The following TMEM117 variants were observed in gnomAD, a reference collection of about 807,000 sequenced individuals.
The protein encoded by TMEM117 is transmembrane protein 117.
TMEM117 carries 27 observed loss-of-function variants against 52.4 expected under a neutral mutation model. The observed-to-expected ratio is 0.51, with a 90% CI of 0.38 to 0.71. TMEM117 has a LOEUF of 0.71. Ranked by LOEUF, TMEM117 falls within the 30% of genes least tolerant of loss-of-function variation. The pLI is 0.00. For missense variants in TMEM117, 556 were observed against 630.5 expected (o/e 0.88, Z 1.26); for synonymous variants, 215 against 206.3 (o/e 1.04, Z -0.36).
At chr12:44,140,932 GC>G (rs901358821) in intron 3 of TMEM117, among the ~76,000 whole-genome samples, 3 of 152,018 alleles carry the variant, frequency 2.0e-5, no homozygotes, top group African/African-American at 7.2e-5. Context: ...GTCTTGAAAG[GC>G]AACCAGCTGT....
chr12:44,086,982 A>G (rs898040047), intron 3 of TMEM117, among the ~76,000 whole-genome samples: 1 of 145,582 alleles, frequency 6.9e-6, no homozygotes, highest in South Asian at 2.1e-4. Flanking sequence ...ATTATATAAT[A>G]TATAATTAAT....
At chr12:44,038,497 A>G (rs1199453481) in intron 3 of TMEM117, among the ~76,000 whole-genome samples, 1 of 152,062 alleles carries the variant, frequency 6.6e-6, no homozygotes, top group Admixed American at 6.6e-5. Flanking sequence ...CCCCATACTC[A>G]ATTGCTCACA....
chr12:44,078,963 T>G (rs1947431936), intron 3 of TMEM117, among the ~76,000 whole-genome samples: 1 of 149,730 alleles, frequency 6.7e-6, no homozygotes, highest in Admixed American at 6.8e-5. Flanking sequence ...ACATGTGGAG[T>G]TTGGTTTTCT....
Position 44,190,569 on chromosome 12 carries a change from A to G in TMEM117, c.511-20721A>G, listed in dbSNP as rs539773886. Among the ~76,000 whole-genome samples, 14 of 152,198 alleles carry G rather than the reference A, an allele frequency of 9.2e-5. No homozygotes were observed. In the South Asian group the frequency reaches 2.5e-3, roughly 27 times the overall value. ...ATGGAAAATGTGGAGAAGAAAATAG[A>G]GGATAAGTAACTGTGTCAGTTAAAC... On this transcript the variant is annotated intron_variant, in intron 4 of 7. Coordinates refer to ENST00000266534, the MANE Select transcript of TMEM117 (RefSeq NM_032256.3).
At chr12:43,825,229 G>T in the TMEM117 span, among the ~76,000 whole-genome samples, 3 of 152,180 alleles carry the variant, frequency 2.0e-5, no homozygotes, top group African/African-American at 7.2e-5. Context: ...AGGAAAAATT[G>T]CCACTAGTTT....
intron 3 of TMEM117, among the ~76,000 whole-genome samples, chr12:43,963,760 A>G (rs867784093): frequency 6.6e-6 from 1 of 152,234 alleles, no homozygotes; most frequent in Non-Finnish European, 1.5e-5. Flanking sequence ...CATTTGTGGT[A>G]ATAGTCTAAA....
At chr12:44,389,978 A>AT (rs1332287428), downstream of TMEM117, among the ~76,000 whole-genome samples, 1 of 151,808 alleles carries the variant, frequency 6.6e-6, no homozygotes, top group Non-Finnish European at 1.5e-5. Flanking sequence ...ACATAGCTGC[A>AT]TTTTTTCTTT....
chr12:44,259,823 A>G (rs1281353323), intron 5 of TMEM117, among the ~76,000 whole-genome samples: 1 of 152,224 alleles, frequency 6.6e-6, no homozygotes, highest in African/African-American at 2.4e-5. Context: ...AACTCGTTAT[A>G]AAATTATTTG....
At chr12:44,001,150 G>A (rs779037449) in intron 3 of TMEM117, among the ~76,000 whole-genome samples, 1 of 152,182 alleles carries the variant, frequency 6.6e-6, no homozygotes, top group East Asian at 1.9e-4. Context: ...AACATATGGA[G>A]ATTTTGTACC....
At chr12:44,008,032 CT>C (rs1455540370) in intron 3 of TMEM117, among the ~76,000 whole-genome samples, 1 of 152,178 alleles carries the variant, frequency 6.6e-6, no homozygotes, top group East Asian at 1.9e-4. Context: ...CCCTTAGGCC[CT>C]GCAGCAGTAT....
At position 44,004,992 on chromosome 12, in the gene TMEM117, G is replaced by A. The variant is rs571224722; in HGVS notation, c.410+60650G>A. Among the ~76,000 whole-genome samples, 15 of 152,304 alleles carry A rather than the reference G, an allele frequency of 9.8e-5. No homozygotes were observed. In the East Asian group the frequency reaches 2.9e-3, roughly 29 times the overall value. On this transcript the variant is annotated intron_variant, in intron 3 of 7. Transcript: ENST00000266534. Reference sequence around the variant, plus strand: ...AGGATGCTTAAAAGCCGGACAAGTAGTAGACAAAGCTTATTTTCTAATAAC... The same window carrying A: ...AGGATGCTTAAAAGCCGGACAAGTAATAGACAAAGCTTATTTTCTAATAAC...
intron 6 of TMEM117, among the ~76,000 whole-genome samples, chr12:44,316,823 A>G (rs1951060405): frequency 6.6e-6 from 1 of 152,026 alleles, no homozygotes; most frequent in Non-Finnish European, 1.5e-5. Context: ...TCAAAAGACT[A>G]GTCTTCTAGC....
At chr12:44,108,496 G>A (rs1405261012) in intron 3 of TMEM117, among the ~76,000 whole-genome samples, 3 of 88,642 alleles carry the variant, frequency 3.4e-5, no homozygotes, top group South Asian at 4.6e-4. Flanking sequence ...GAGAATGATG[G>A]TTTCCAATTT....
At chr12:43,841,715 G>A (rs1305003349) in intron 1 of TMEM117, among the ~76,000 whole-genome samples, 2 of 152,192 alleles carry the variant, frequency 1.3e-5, no homozygotes, top group Non-Finnish European at 2.9e-5. Flanking sequence ...TGCAGGAAAT[G>A]GTGATCAGGC....
chr12:44,152,530 T>A (rs868649119), intron 4 of TMEM117, among the ~76,000 whole-genome samples: 1 of 117,426 alleles, frequency 8.5e-6, no homozygotes, highest in South Asian at 2.6e-4. Context: ...ATATATATAT[T>A]TATATCATAT....
intron 3 of TMEM117, among the ~76,000 whole-genome samples, chr12:43,993,169 G>A (rs1247018172): frequency 1.3e-5 from 2 of 152,138 alleles, no homozygotes; most frequent in Non-Finnish European, 2.9e-5. Context: ...AACCTCTAGG[G>A]CATCAGTTAG....
chr12:44,024,795 T>G (rs1307355887), intron 3 of TMEM117, among the ~76,000 whole-genome samples: 1 of 152,124 alleles, frequency 6.6e-6, no homozygotes, highest in Non-Finnish European at 1.5e-5. Flanking sequence ...ATATTATGCC[T>G]TTGAATGTAT....
chr12:43,928,339 G>A (rs1347473596), intron 2 of TMEM117, among the ~76,000 whole-genome samples: 5 of 151,716 alleles, frequency 3.3e-5, no homozygotes, highest in African/African-American at 9.7e-5. Context: ...TTACTTACTA[G>A]TTTATCACCA....
rs944842207 is a variant in TMEM117 at position 43,987,284 on chromosome 12, C to A, written c.410+42942C>A. On this transcript the variant is annotated intron_variant, in intron 3 of 7. Transcript: ENST00000266534. Reference sequence around the variant, plus strand: ...CACCTTGATCTCAGACTTCTAGTCTCCAGAACTGTGAGAAAATAAATTTCT... The same window carrying A: ...CACCTTGATCTCAGACTTCTAGTCTACAGAACTGTGAGAAAATAAATTTCT... Among the ~76,000 whole-genome samples the A allele has an allele frequency of 5.3e-5, 8 of 152,280 alleles. 1 individual carries two copies. The highest frequency in any genetic ancestry group is 1.9e-4 in the African/African-American group (8 of 41,558).
Sources: allele counts gnomAD v4.1 joint callset (sites outside exome capture counted in the v4.1 genomes callset), GRCh38; gene constraint gnomAD v4.1.1; transcripts MANE v1.5; gene names NCBI Gene and HGNC (gene_info 2026-07-23, HGNC 2026-07-21).